The following KIF6 variants were observed in gnomAD, a reference collection of about 807,000 sequenced individuals.
KIF6 encodes the protein kinesin family member 6, also known as kinesin-like protein KIF6.
A neutral mutation model predicts 112.7 loss-of-function variants in KIF6; 106 were observed. The ratio of observed to expected loss-of-function variants is 0.94; its 90% CI spans 0.80 to 1.11. The LOEUF (loss-of-function observed/expected upper bound fraction) is 1.11, where lower values mean the gene tolerates loss of function less well. Among genes scored for constraint, KIF6 ranks in the 50% least tolerant of loss-of-function variants. The pLI, the probability that KIF6 is intolerant of heterozygous loss-of-function variation, is 0.00. For missense variants in KIF6, 929 were observed against 964.0 expected (o/e 0.96, Z 0.48); for synonymous variants, 339 against 339.9 (o/e 1.00, Z 0.03).
intron 15 of KIF6, among the ~76,000 whole-genome samples, chr6:39,387,382 T>C (rs1442534848): frequency 1.3e-5 from 2 of 152,152 alleles, no homozygotes; most frequent in African/African-American, 2.4e-5. Flanking sequence ...CCTTAGGTAA[T>C]ACCTCGGAGG....
chr6:39,377,305 T>C (rs1766515570), intron 16 of KIF6, among the ~76,000 whole-genome samples: 1 of 152,082 alleles, frequency 6.6e-6, no homozygotes, highest in African/African-American at 2.4e-5. Flanking sequence ...TACCTTGGCC[T>C]CCCAAAGTGC....
At chr6:39,576,890 T>C (rs1255733714) in intron 10 of KIF6, among the ~76,000 whole-genome samples, 1 of 152,248 alleles carries the variant, frequency 6.6e-6, no homozygotes, top group Non-Finnish European at 1.5e-5. Flanking sequence ...GGCTGGATCC[T>C]GACTTGTAGA....
At chr6:39,569,284 C>T (rs1780515439) in intron 10 of KIF6, among the ~76,000 whole-genome samples, 1 of 152,138 alleles carries the variant, frequency 6.6e-6, no homozygotes, top group African/African-American at 2.4e-5. Context: ...TTCACTAGGA[C>T]TGTATTAACT....
intron 3 of KIF6, among the ~76,000 whole-genome samples, chr6:39,684,897 T>C (rs1044904402): frequency 1.3e-5 from 2 of 152,100 alleles, no homozygotes; most frequent in Non-Finnish European, 2.9e-5. Flanking sequence ...AGGACAAGAA[T>C]GGGCACATGA....
chr6:39,483,800 A>T (rs896961928), intron 13 of KIF6, among the ~76,000 whole-genome samples: 4 of 152,224 alleles, frequency 2.6e-5, no homozygotes, highest in African/African-American at 4.8e-5. Flanking sequence ...GCATTTCAGG[A>T]TCAGTAAATG....
chr6:39,369,101 C>T (rs1399464902), intron 16 of KIF6, among the ~76,000 whole-genome samples: 8 of 152,160 alleles, frequency 5.3e-5, no homozygotes, highest in South Asian at 2.1e-4. Context: ...TCTATTCTTA[C>T]GGAGATTGAT....
chr6:39,648,149 G>A lies in KIF6; in HGVS notation c.252-8392C>T, dbSNP rs913498431. ...AGCGATTCTCCTGCCTCAGCCTCCC[G>A]AGTAGCTGGGACTACAGGCAACTGC... On this transcript the variant is annotated intron_variant, in intron 3 of 22. Coordinates refer to ENST00000287152, the MANE Select transcript of KIF6 (RefSeq NM_145027.6). Among the ~76,000 whole-genome samples, 158 of 142,482 alleles carry A rather than the reference G, an allele frequency of 1.1e-3. 2 individuals carry two copies. Among genetic ancestry groups the A allele is most frequent in the Admixed American group, 0.011 (142 of 13,276 alleles). The allele number at this position is 142,482 out of a possible 152,430, so 93.5% of individuals were successfully genotyped here. A position where few individuals can be genotyped will look rare whatever the true frequency, so the allele number is the denominator to read the frequency against.
chr6:39,436,226 C>A (rs189335552), intron 13 of KIF6, among the ~76,000 whole-genome samples: 3 of 151,532 alleles, frequency 2.0e-5, no homozygotes, highest in Non-Finnish European at 2.9e-5. Flanking sequence ...TTTTTTCTTG[C>A]GGATTGGCTT....
At chr6:39,566,184 C>T (rs1211535584) in intron 10 of KIF6, among the ~76,000 whole-genome samples, 1 of 152,232 alleles carries the variant, frequency 6.6e-6, no homozygotes, top group Non-Finnish European at 1.5e-5. Flanking sequence ...TGTGCATATA[C>T]ATGTTGCTTT....
At chr6:39,548,261 C>T (rs1226301749) in intron 10 of KIF6, among the ~76,000 whole-genome samples, 1 of 152,206 alleles carries the variant, frequency 6.6e-6, no homozygotes, top group Non-Finnish European at 1.5e-5. Context: ...AAGATACAAG[C>T]CTGCTGATGA....
chr6:39,422,677 A>G (rs566611908), intron 14 of KIF6, among the ~76,000 whole-genome samples: 2 of 152,292 alleles, frequency 1.3e-5, no homozygotes, highest in African/African-American at 4.8e-5. Context: ...GAAAGATGCG[A>G]GAAAGAGGGT....
intron 3 of KIF6, among the ~76,000 whole-genome samples, chr6:39,643,064 T>C (rs1784991857): frequency 6.6e-6 from 1 of 152,218 alleles, no homozygotes; most frequent in Non-Finnish European, 1.5e-5. Flanking sequence ...TATCTTGGAA[T>C]GTCTTAATTT....
chr6:39,596,479 G>A (rs1219962317), intron 6 of KIF6, among the ~76,000 whole-genome samples: 1 of 152,180 alleles, frequency 6.6e-6, no homozygotes, highest in African/African-American at 2.4e-5. Context: ...GATTCAGAAA[G>A]TGAGAAAAGA....
intron 3 of KIF6, among the ~76,000 whole-genome samples, chr6:39,662,348 C>T (rs1455488139): frequency 2.0e-5 from 3 of 152,130 alleles, no homozygotes; most frequent in African/African-American, 7.2e-5. Flanking sequence ...GTGTTTGAGA[C>T]AGTCACATAC....
intron 14 of KIF6, among the ~76,000 whole-genome samples, chr6:39,422,878 AGAT>A (rs1770475243): frequency 6.6e-6 from 1 of 152,168 alleles, no homozygotes. Context: ...CTCATCCATG[AGAT>A]GGCTCAGGGA....
At chr6:39,580,804 T>C (rs370074768) in intron 9 of KIF6, among the ~76,000 whole-genome samples, 4 of 152,180 alleles carry the variant, frequency 2.6e-5, no homozygotes, top group African/African-American at 7.2e-5. Flanking sequence ...AATAGAACAT[T>C]ACAGACCTGT....
chr6:39,669,973 G>C (rs1175182414), intron 3 of KIF6, among the ~76,000 whole-genome samples: 1 of 152,232 alleles, frequency 6.6e-6, no homozygotes, highest in Non-Finnish European at 1.5e-5. Flanking sequence ...CAGATGGCCT[G>C]CTCTCCTCAA....
At chr6:39,634,731 G>A (rs1375847414) in intron 5 of KIF6, 118 bp downstream of exon 5, 2 of 725,716 alleles carry the variant, frequency 2.8e-6, no homozygotes, top group Non-Finnish European at 4.9e-6. Flanking sequence ...AAAAGATACG[G>A]TTATCCAGTA....
At chr6:39,384,316 C>A (rs1038561080) in intron 16 of KIF6, among the ~76,000 whole-genome samples, 2 of 152,206 alleles carry the variant, frequency 1.3e-5, no homozygotes, top group African/African-American at 4.8e-5. Context: ...CATAAGGTCA[C>A]CTTGGTACAG....
Sources: allele counts gnomAD v4.1 joint callset (sites outside exome capture counted in the v4.1 genomes callset), GRCh38; gene constraint gnomAD v4.1.1; transcripts MANE v1.5; gene names NCBI Gene and HGNC (gene_info 2026-07-23, HGNC 2026-07-21).